STAU2: variants seen among roughly 807,000 people sequenced by gnomAD.
STAU2 encodes the protein staufen double-stranded RNA binding protein 2, also known as double-stranded RNA-binding protein Staufen homolog 2.
A neutral mutation model predicts 65.9 loss-of-function variants in STAU2; 20 were observed. The ratio of observed to expected loss-of-function variants is 0.30; its 90% CI spans 0.21 to 0.44. STAU2 has a LOEUF of 0.44. Among genes scored for constraint, STAU2 ranks in the 20% least tolerant of loss-of-function variants. STAU2 has a pLI of 1.00. For synonymous variants in STAU2, 232 were observed against 233.9 expected, an observed-to-expected ratio of 0.99 and a Z score of 0.07; for missense variants, 558 against 683.9, an observed-to-expected ratio of 0.82 and a Z score of 2.05.
intron 4 of STAU2, among the ~76,000 whole-genome samples, chr8:73,702,503 A>G (rs1820184893): frequency 6.6e-6 from 1 of 152,156 alleles, no homozygotes; most frequent in South Asian, 2.1e-4. Context: ...ATACCAAAAT[A>G]TCTCATGTAC....
At chr8:73,550,867 C>G (rs78692741) in intron 13 of STAU2, 2 of 987,268 alleles carry the variant, frequency 2.0e-6, no homozygotes, top group African/African-American at 3.5e-5. Context: ...AAAAAAAATC[C>G]GAACATGCAA....
At chr8:73,681,121 G>A (rs1162826267) in intron 5 of STAU2, among the ~76,000 whole-genome samples, 4 of 152,016 alleles carry the variant, frequency 2.6e-5, no homozygotes, top group Non-Finnish European at 5.9e-5. Context: ...GGAACACCCA[G>A]GGAATTCATT....
chr8:73,448,867 C>A (rs1481870038), intron 13 of STAU2, among the ~76,000 whole-genome samples: 2 of 152,260 alleles, frequency 1.3e-5, no homozygotes, highest in African/African-American at 4.8e-5. Flanking sequence ...CCGGTCCCTG[C>A]CGTGGGCGCT....
chr8:73,740,098 G>A (rs573811109), intron 1 of STAU2, among the ~76,000 whole-genome samples: 7 of 152,272 alleles, frequency 4.6e-5, no homozygotes, highest in Non-Finnish European at 8.8e-5. Flanking sequence ...AACCCTGCAA[G>A]AGCCACATGA....
At position 73,590,204 on chromosome 8, in the gene STAU2, T is replaced by A. The variant is rs1563442886; in HGVS notation, c.1161+4962A>T. 5.3e-4 allele frequency among the ~76,000 whole-genome samples: 74 copies of A among 139,930 alleles called. 2 individuals carry two copies. The South Asian group carries it at 0.016, about 31-fold the overall frequency. 91.8% of individuals were successfully genotyped at this position (139,930 alleles called of 152,430 possible). On this transcript the variant is annotated intron_variant, in intron 11 of 14. Coordinates refer to ENST00000524300, the MANE Select transcript of STAU2 (RefSeq NM_001164380.2). ...GGAGGAAAAGGAGAAGGAAGAAAAA[T>A]AGAAAGAAGGGAGGAAGAAGGGTGG...
In STAU2 at chr8:73,568,651, A is replaced by G. The variant is rs191576336; in HGVS notation, c.1222+14119T>C. On this transcript the variant is annotated intron_variant, in intron 12 of 14. Transcript: ENST00000524300. ...GATTAAAACTGGCACATAGATAGTT[A>G]GATGAACAGAGGAGAACAGAAAGTC... 3.3e-5 allele frequency among the ~76,000 whole-genome samples: 5 copies of G among 152,344 alleles called. No individual in the cohort carries two copies. The East Asian group carries it at 9.6e-4, about 29-fold the overall frequency.
At chr8:73,574,436 G>T (rs1334440952) in intron 12 of STAU2, among the ~76,000 whole-genome samples, 2 of 152,138 alleles carry the variant, frequency 1.3e-5, no homozygotes, top group Admixed American at 1.3e-4. Context: ...AAATCATGCT[G>T]CTATAAAGAC....
chr8:73,604,493 AG>A (rs1258249067), intron 9 of STAU2, among the ~76,000 whole-genome samples: 1 of 152,104 alleles, frequency 6.6e-6, no homozygotes, highest in Non-Finnish European at 1.5e-5. Context: ...GGCCTCCCAA[AG>A]TGCTGGGATT....
In STAU2 at chr8:73,514,872, C is replaced by T. The variant is rs1822619316; in HGVS notation, c.1530+37140G>A. On this transcript the variant is annotated intron_variant, in intron 13 of 14. Transcript: ENST00000524300. ...ACTTACAGAGACTTCTCATATAACC[C>T]TTGCCTCCAACTTTTAATTATAATC... 2.6e-5 allele frequency among the ~76,000 whole-genome samples: 4 copies of T among 152,254 alleles called. No individual in the cohort carries two copies. In the South Asian group the frequency reaches 6.2e-4, roughly 24 times the overall value.
At chr8:73,734,188 G>C (rs778803977) in intron 3 of STAU2, among the ~76,000 whole-genome samples, 2 of 149,144 alleles carry the variant, frequency 1.3e-5, no homozygotes, top group South Asian at 2.1e-4. Flanking sequence ...CTCTGTAATA[G>C]AAGTGGAATT....
chr8:73,664,163 C>T (rs542330706), intron 6 of STAU2, among the ~76,000 whole-genome samples: 1 of 152,180 alleles, frequency 6.6e-6, no homozygotes, highest in South Asian at 2.1e-4. Flanking sequence ...GCAATCCTCC[C>T]ACCTCAGTCT....
At chr8:73,554,482 C>T (rs1457293288) in intron 12 of STAU2, among the ~76,000 whole-genome samples, 1 of 152,198 alleles carries the variant, frequency 6.6e-6, no homozygotes, top group Non-Finnish European at 1.5e-5. Context: ...CTTTCCCCTT[C>T]TAGGCAGAAA....
intron 13 of STAU2, among the ~76,000 whole-genome samples, chr8:73,509,985 A>G (rs1024611878): frequency 9.9e-5 from 15 of 152,252 alleles, no homozygotes; most frequent in Non-Finnish European, 2.9e-5. Context: ...CATTAGAACA[A>G]TAAAGGCCTC....
chr8:73,443,819 G>A (rs1056225058), intron 13 of STAU2, among the ~76,000 whole-genome samples: 1 of 151,142 alleles, frequency 6.6e-6, no homozygotes. Flanking sequence ...CTGTACTCCA[G>A]CCTAGGTGAC....
Position 73,422,660 on chromosome 8 carries a change from C to T in STAU2, c.1573G>A (p.Asp525Asn). ...ATATTCATTGCTCCATCGATTGGAT[C>T]CAGTCCTTGTTCAGAAAATTGTTTC... ...ALKQFSEQGL[D>N]PIDGAMNIEK... The change falls in exon 14 of 15, where the codon GAT becomes AAT. Residue 525 changes from aspartate to asparagine, a missense_variant. By Grantham distance (23) the Asp-to-Asn change is conservative. This residue lies in a region of STAU2 where 247 missense variants were observed against 270.1 expected (regional missense o/e 0.91). Transcript: ENST00000524300. 6.6e-7 allele frequency: 1 copy of T among 1,510,546 alleles called. No homozygotes were observed. Among genetic ancestry groups the T allele is most frequent in the South Asian group, 1.3e-5 (1 of 77,546 alleles). 93.6% of individuals were successfully genotyped at this position (1,510,546 alleles called of 1,614,324 possible). A position where few individuals can be genotyped will look rare whatever the true frequency, so the allele number is the denominator to read the frequency against.
intron 6 of STAU2, among the ~76,000 whole-genome samples, chr8:73,645,204 G>A (rs149685249): frequency 6.6e-6 from 1 of 152,268 alleles, no homozygotes; most frequent in East Asian, 1.9e-4. Flanking sequence ...TAGAATATTA[G>A]CAAGTAGAAT....
chr8:73,653,038 T>C (rs186907465), intron 6 of STAU2: 1 of 152,204 alleles, frequency 6.6e-6, no homozygotes, highest in African/African-American at 2.4e-5. Flanking sequence ...ATTCAAACAA[T>C]AATATCGGTT....
intron 13 of STAU2, among the ~76,000 whole-genome samples, chr8:73,492,464 A>G (rs1399458726): frequency 6.6e-6 from 1 of 151,844 alleles, no homozygotes; most frequent in Non-Finnish European, 1.5e-5. Context: ...CCTCCAATTG[A>G]CAAGATGCTT....
intron 9 of STAU2, among the ~76,000 whole-genome samples, chr8:73,607,733 G>A (rs1329062324): frequency 1.6e-4 from 21 of 133,326 alleles, no homozygotes; most frequent in Middle Eastern, 4.6e-3. Context: ...GCGAAACTCC[G>A]TCTCAAAAAA....
Sources: gnomAD v4.1 joint callset for allele counts (sites outside exome capture counted in the v4.1 genomes callset) on GRCh38, gnomAD v4.1.1 for gene constraint, gnomAD v4.1.1 regional missense constraint, MANE v1.5 for transcripts, NCBI Gene and HGNC (gene_info 2026-07-23, HGNC 2026-07-21) for gene names.